The following GNAQ variants were observed in gnomAD, a reference collection of about 807,000 sequenced individuals.
The protein encoded by GNAQ is G protein subunit alpha q.
A neutral mutation model predicts 43.9 loss-of-function variants in GNAQ; 8 were observed. The ratio of observed to expected loss-of-function variants is 0.18; its 90% CI spans 0.11 to 0.33. GNAQ has a LOEUF of 0.33. GNAQ is among the 10% of genes least tolerant of loss of function. The pLI, the probability that GNAQ is intolerant of heterozygous loss-of-function variation, is 1.00. For missense variants in GNAQ, 158 were observed against 450.8 expected (o/e 0.35, Z 5.88); for synonymous variants, 155 against 170.7 (o/e 0.91, Z 0.71).
At chr9:77,786,422 T>C (rs1826480391) in intron 5 of GNAQ, among the ~76,000 whole-genome samples, 1 of 149,920 alleles carries the variant, frequency 6.7e-6, no homozygotes, top group South Asian at 2.1e-4. Context: ...CTCAGAGAAC[T>C]AAGAGGTAGT....
intron 1 of GNAQ, among the ~76,000 whole-genome samples, chr9:77,997,797 C>T (rs1823588197): frequency 6.6e-6 from 1 of 152,140 alleles, no homozygotes; most frequent in Non-Finnish European, 1.5e-5. Context: ...AAGGGCAGTC[C>T]CTAGGCACCA....
intron 2 of GNAQ, among the ~76,000 whole-genome samples, chr9:77,887,953 C>CA (rs1370609944): frequency 1.3e-5 from 2 of 152,172 alleles, no homozygotes; most frequent in African/African-American, 2.4e-5. Flanking sequence ...CAGTAGTTCT[C>CA]AAAGTGTAAT....
intron 5 of GNAQ, among the ~76,000 whole-genome samples, chr9:77,762,501 C>A (rs1253212600): frequency 6.8e-6 from 1 of 147,736 alleles, no homozygotes. Flanking sequence ...GCCTGGCCAG[C>A]CGCCCCACCT....
intron 2 of GNAQ, among the ~76,000 whole-genome samples, chr9:77,816,501 T>C (rs963214274): frequency 1.4e-4 from 22 of 152,112 alleles, no homozygotes; most frequent in Admixed American, 1.4e-3. Flanking sequence ...AAAAATAAGA[T>C]TGCAATGAAA....
intron 1 of GNAQ, among the ~76,000 whole-genome samples, chr9:77,931,187 T>TAC (rs1829144526): frequency 6.7e-6 from 1 of 148,824 alleles, no homozygotes; most frequent in African/African-American, 2.5e-5. Flanking sequence ...GTCCCTGTCC[T>TAC]ACAAGCATCT....
chr9:77,901,014 C>A (rs987762608), intron 2 of GNAQ, among the ~76,000 whole-genome samples: 23 of 152,100 alleles, frequency 1.5e-4, no homozygotes, highest in African/African-American at 5.6e-4. Flanking sequence ...GTTAAAGAAC[C>A]AAACAAGCAA....
At chr9:77,799,232 G>C (rs1826705774) in intron 3 of GNAQ, among the ~76,000 whole-genome samples, 1 of 152,146 alleles carries the variant, frequency 6.6e-6, no homozygotes, top group South Asian at 2.1e-4. Context: ...TAACTTATGA[G>C]CCAGATTAAA....
chr9:77,829,643 A>G (rs1162437258), intron 2 of GNAQ, among the ~76,000 whole-genome samples: 3 of 152,300 alleles, frequency 2.0e-5, no homozygotes, highest in African/African-American at 7.2e-5. Context: ...AATGAATCAG[A>G]GAACAGAGGG....
At chr9:77,857,017 CTTCCTCAAGGAA>C (rs1827766360) in intron 2 of GNAQ, among the ~76,000 whole-genome samples, 1 of 152,228 alleles carries the variant, frequency 6.6e-6, no homozygotes, top group Non-Finnish European at 1.5e-5. Flanking sequence ...ATGCCCTCCT[CTTCCTCAAGGAA>C]AACAGTGAGC....
chr9:77,998,399 T>C (rs1649799981), intron 1 of GNAQ, among the ~76,000 whole-genome samples: 1 of 152,214 alleles, frequency 6.6e-6, no homozygotes, highest in South Asian at 2.1e-4. Flanking sequence ...CATAAACCAT[T>C]GCCTAATGCT....
At chr9:77,873,670 A>T (rs965150899) in intron 2 of GNAQ, among the ~76,000 whole-genome samples, 8 of 152,230 alleles carry the variant, frequency 5.3e-5, no homozygotes, top group Admixed American at 5.2e-4. Context: ...GTTGGCCACA[A>T]CACTGCTTCT....
chr9:77,844,303 T>C (rs181815307), intron 2 of GNAQ, among the ~76,000 whole-genome samples: 7 of 152,196 alleles, frequency 4.6e-5, no homozygotes, highest in African/African-American at 7.2e-5. Flanking sequence ...AAAGAGGCCA[T>C]GAAGGGGCCC....
chr9:77,861,946 G>A (rs756964057), intron 2 of GNAQ, among the ~76,000 whole-genome samples: 1 of 150,904 alleles, frequency 6.6e-6, no homozygotes, highest in Non-Finnish European at 1.5e-5. Context: ...CGGAGGTTGC[G>A]GTGAGCTGAG....
chr9:77,912,282 G>GAC lies in GNAQ; in HGVS notation c.321+9877_321+9878dup, dbSNP rs548282138. On this transcript the variant is annotated intron_variant, in intron 2 of 6. Coordinates refer to ENST00000286548, the MANE Select transcript of GNAQ (RefSeq NM_002072.5). ...CATTCACTTGATTTGTGACAAAGGTGACACTGTATTGCTCTGGGTAAAGGA... is the reference window on the plus strand; with the variant it reads ...CATTCACTTGATTTGTGACAAAGGTGACACACTGTATTGCTCTGGGTAAAGGA... Among the ~76,000 whole-genome samples the GAC allele has an allele frequency of 1.6e-3, 244 of 152,296 alleles. 2 individuals carry two copies. Among genetic ancestry groups the GAC allele is most frequent in the African/African-American group, 5.0e-3 (207 of 41,556 alleles).
At chr9:77,894,425 A>T (rs372903636) in intron 2 of GNAQ, among the ~76,000 whole-genome samples, 6 of 15,062 alleles carry the variant, frequency 4.0e-4, no homozygotes, top group African/African-American at 8.0e-4. Context: ...TAATAGAAAA[A>T]ATATATATAT....
At chr9:77,947,357 G>A (rs1822917559) in intron 1 of GNAQ, among the ~76,000 whole-genome samples, 1 of 152,182 alleles carries the variant, frequency 6.6e-6, no homozygotes, top group Admixed American at 6.5e-5. Flanking sequence ...AACTTAAAAC[G>A]AAGAGAGGAC....
chr9:78,030,430 G>A, intron 1 of GNAQ: 1 of 451,194 alleles, frequency 2.2e-6, no homozygotes, highest in East Asian at 7.1e-5. Flanking sequence ...AACAGCACTT[G>A]TGTGACACAT....
At chr9:77,760,987 G>C (rs1334862379) in intron 5 of GNAQ, among the ~76,000 whole-genome samples, 4 of 151,096 alleles carry the variant, frequency 2.6e-5, no homozygotes, top group Non-Finnish European at 5.9e-5. Flanking sequence ...CCCCGTCTGA[G>C]AAGTGAGGAG....
At chr9:77,907,426 T>A (rs555064615) in intron 2 of GNAQ, among the ~76,000 whole-genome samples, 6 of 152,194 alleles carry the variant, frequency 3.9e-5, no homozygotes, top group Non-Finnish European at 1.5e-5. Context: ...AGCTTTCCTA[T>A]AGAAACTCTG....
Sources: allele counts gnomAD v4.1 joint callset (sites outside exome capture counted in the v4.1 genomes callset), GRCh38; gene constraint gnomAD v4.1.1; transcripts MANE v1.5; gene names NCBI Gene and HGNC (gene_info 2026-07-23, HGNC 2026-07-21).